Variants in PCDH15 observed in about 807,000 individuals in gnomAD.
PCDH15 encodes the protein protocadherin-15.
PCDH15 carries 129 observed loss-of-function variants against 178.5 expected under a neutral mutation model. The observed-to-expected ratio is 0.72, with a 90% CI of 0.63 to 0.84. The LOEUF (loss-of-function observed/expected upper bound fraction) is 0.84, where lower values mean the gene tolerates loss of function less well. PCDH15 is among the 40% of genes least tolerant of loss of function. PCDH15 has a pLI of 0.00. For synonymous variants in PCDH15, 800 were observed against 732.0 expected (o/e 1.09, Z -1.50); for missense variants, 2,230 against 2,099.9 (o/e 1.06, Z -1.21).
chr10:53,873,051 TTA>T (rs1322839953), intron 26 of PCDH15, among the ~76,000 whole-genome samples: 13 of 152,328 alleles, frequency 8.5e-5, no homozygotes, highest in African/African-American at 2.6e-4. Context: ...ATAAAACACG[TTA>T]TGTCTCTCTC....
At chr10:54,172,798 A>G (rs550675415) in intron 13 of PCDH15, among the ~76,000 whole-genome samples, 1 of 152,298 alleles carries the variant, frequency 6.6e-6, no homozygotes, top group African/African-American at 2.4e-5. Context: ...AAATAAGCAG[A>G]AGCTTCATAA....
chr10:55,192,969 T>C (rs1009259421), intron 1 of PCDH15, among the ~76,000 whole-genome samples: 1 of 145,828 alleles, frequency 6.9e-6, no homozygotes, highest in South Asian at 2.1e-4. Flanking sequence ...TTTCCTTTCC[T>C]ATCCTTTCAA....
chr10:55,160,651 T>C (rs1407344763), intron 2 of PCDH15, among the ~76,000 whole-genome samples: 4 of 152,054 alleles, frequency 2.6e-5, no homozygotes, highest in African/African-American at 9.7e-5. Flanking sequence ...TTGCATCAAG[T>C]ATATGGCACC....
In PCDH15 at chr10:55,601,721, G is replaced by T. The variant is rs1290291991; in HGVS notation, c.-156+25904C>A. On this transcript the variant is annotated intron_variant, in intron 2 of 5. Transcript: ENST00000613346. ...GAATTAAGGTAGCAGGAACAAAAAA[G>T]AATTTCATGTAAGAAAAATCTTCAG... Among the ~76,000 whole-genome samples the T allele has an allele frequency of 2.6e-5, 4 of 152,186 alleles. 1 individual carries two copies. The South Asian group carries it at 6.2e-4, about 24-fold the overall frequency.
chr10:54,839,743 T>C (rs1953383956), intron 3 of PCDH15, among the ~76,000 whole-genome samples: 1 of 151,852 alleles, frequency 6.6e-6, no homozygotes, highest in African/African-American at 2.4e-5. Context: ...GACCAAACAG[T>C]GAATTTAGAA....
intron 3 of PCDH15, among the ~76,000 whole-genome samples, chr10:54,818,055 G>C (rs1476754534): frequency 6.6e-6 from 1 of 151,890 alleles, no homozygotes; most frequent in African/African-American, 2.4e-5. Context: ...AAAGTTTGGA[G>C]TATTAAAATC....
chr10:54,015,059 G>A (rs538459754), intron 20 of PCDH15, among the ~76,000 whole-genome samples: 27 of 152,192 alleles, frequency 1.8e-4, no homozygotes, highest in African/African-American at 5.8e-4. Flanking sequence ...CTTCAGCAAA[G>A]TTTCAGGATA....
chr10:55,432,114 C>CA (rs71014487), intron 2 of PCDH15, among the ~76,000 whole-genome samples: 2,291 of 147,094 alleles, frequency 0.016, 56 homozygotes, highest in African/African-American at 0.056. Flanking sequence ...CACACACACA[C>CA]CACAAGTCTC....
intron 2 of PCDH15, among the ~76,000 whole-genome samples, chr10:55,044,592 AG>A (rs1840951176): frequency 6.6e-6 from 1 of 152,110 alleles, no homozygotes; most frequent in Admixed American, 6.6e-5. Flanking sequence ...CCAATGTAAA[AG>A]GTTCGGTTCC....
chr10:54,052,062 G>A (rs116505441), intron 18 of PCDH15, among the ~76,000 whole-genome samples: 555 of 152,318 alleles, frequency 3.6e-3, no homozygotes, highest in African/African-American at 0.013. Flanking sequence ...GAGGAAATAT[G>A]GAAATGCCTG....
intron 5 of PCDH15, among the ~76,000 whole-genome samples, chr10:54,355,228 TATC>T (rs1944798679): frequency 6.6e-6 from 1 of 152,008 alleles, no homozygotes; most frequent in South Asian, 2.1e-4. Context: ...TTTATTTTGT[TATC>T]ATACTTATTT....
intron 2 of PCDH15, among the ~76,000 whole-genome samples, chr10:55,439,936 A>C (rs2132067333): frequency 6.6e-6 from 1 of 152,332 alleles, no homozygotes; most frequent in East Asian, 1.9e-4. Flanking sequence ...TAAATAATTC[A>C]GTGTATATAT....
chr10:54,341,351 G>T (rs944797915), intron 6 of PCDH15, among the ~76,000 whole-genome samples: 1 of 152,134 alleles, frequency 6.6e-6, no homozygotes, highest in Admixed American at 6.6e-5. Flanking sequence ...TGGTTTAAAA[G>T]TGGCACTTCC....
At chr10:54,105,297 T>C (rs1325151708) in intron 15 of PCDH15, among the ~76,000 whole-genome samples, 1 of 97,578 alleles carries the variant, frequency 1.0e-5, no homozygotes, top group Non-Finnish European at 2.0e-5. Context: ...TATATATATA[T>C]ATATATATAT....
intron 1 of PCDH15, among the ~76,000 whole-genome samples, chr10:54,779,438 ATATATATATACACTCATATATGTGTG>A (rs1566221293): frequency 1.6e-5 from 1 of 61,948 alleles, no homozygotes; most frequent in African/African-American, 6.0e-5. Flanking sequence ...ACATATGTGT[ATATATATATACACTCATATATGTGTG>A]TATATATATA....
intron 14 of PCDH15, among the ~76,000 whole-genome samples, chr10:54,142,374 A>G (rs1416040335): frequency 6.6e-6 from 1 of 152,170 alleles, no homozygotes; most frequent in African/African-American, 2.4e-5. Flanking sequence ...TCATCTTCAG[A>G]CACAGGAGAA....
intron 2 of PCDH15, among the ~76,000 whole-genome samples, chr10:55,015,554 G>T (rs1325386769): frequency 6.6e-6 from 1 of 152,172 alleles, no homozygotes; most frequent in African/African-American, 2.4e-5. Flanking sequence ...TCCTTGGCAA[G>T]ATTATGTTAT....
chr10:54,725,186 C>G lies in PCDH15; in HGVS notation c.-28-60896G>C, dbSNP rs1362747409. Among the ~76,000 whole-genome samples, 4 of 151,278 alleles carry G rather than the reference C, an allele frequency of 2.6e-5. No individual in the cohort carries two copies. In the East Asian group the frequency reaches 7.8e-4, roughly 29 times the overall value. ...ATTACACCAATAATGGATTCCAATA[C>G]TTTAACCATTTCTTGCGAAATTTTC... On this transcript the variant is annotated intron_variant, in intron 1 of 37. Coordinates refer to ENST00000644397, the MANE Select transcript of PCDH15 (RefSeq NM_001384140.1).
At chr10:55,599,232 C>T (rs1048201376) in intron 2 of PCDH15, 3 of 152,096 alleles carry the variant, frequency 2.0e-5, no homozygotes, top group Non-Finnish European at 2.9e-5. Flanking sequence ...ATTTATGTGG[C>T]AAAATAGTGA....
Sources: allele counts gnomAD v4.1 joint callset (sites outside exome capture counted in the v4.1 genomes callset), GRCh38; gene constraint gnomAD v4.1.1; transcripts MANE v1.5; gene names NCBI Gene and HGNC (gene_info 2026-07-23, HGNC 2026-07-21).